Variants in PCDHA1 observed in about 807,000 individuals in gnomAD.
PCDHA1 encodes the protein protocadherin alpha 1.
In PCDHA1, 42 loss-of-function variants were observed where a neutral mutation model predicts 61.3. That is an observed-to-expected ratio of 0.69 (90% CI 0.54 to 0.89). PCDHA1 has a LOEUF of 0.89. Among genes scored for constraint, PCDHA1 ranks in the 40% least tolerant of loss-of-function variants. PCDHA1 has a pLI of 0.00. For missense variants in PCDHA1, 1,256 were observed against 1,235.3 expected, an observed-to-expected ratio of 1.02 and a Z score of -0.25; for synonymous variants, 610 against 553.8, an observed-to-expected ratio of 1.10 and a Z score of -1.43.
Position 140,956,847 on chromosome 5 carries a change from T to G in PCDHA1, c.2395-22102T>G, listed in dbSNP as rs138847680. Among the ~76,000 whole-genome samples the G allele has an allele frequency of 1.6e-4, 24 of 152,262 alleles. 1 individual carries two copies. The East Asian group carries it at 4.6e-3, about 29-fold the overall frequency. ...AATTTAATATTTTTAAATCTTGGGT[T>G]AAATGGTTGAATGAATGTGTGAAAA... On this transcript the variant is annotated intron_variant, in intron 1 of 3. Transcript: ENST00000504120.
At chr5:140,828,531 T>G in intron 1 of PCDHA1, 3 of 1,614,256 alleles carry the variant, frequency 1.9e-6, no homozygotes, top group Non-Finnish European at 2.5e-6. Flanking sequence ...GAATCTAGGC[T>G]GCCAGATTCT....
At chr5:140,923,785 C>T (rs2081509867) in intron 1 of PCDHA1, among the ~76,000 whole-genome samples, 1 of 152,156 alleles carries the variant, frequency 6.6e-6, no homozygotes, top group African/African-American at 2.4e-5. Flanking sequence ...ATGGTTTCTT[C>T]ATTCTTTTCA....
chr5:140,877,467 G>T (rs1554169776), intron 1 of PCDHA1: 2 of 1,613,868 alleles, frequency 1.2e-6, no homozygotes, highest in Non-Finnish European at 1.7e-6. Flanking sequence ...CGGCCACGGT[G>T]CTGGTGTCGC....
intron 3 of PCDHA1, among the ~76,000 whole-genome samples, chr5:141,008,415 C>T (rs782593921): frequency 2.0e-5 from 3 of 152,138 alleles, no homozygotes; most frequent in Non-Finnish European, 4.4e-5. Flanking sequence ...ATGTCATGGC[C>T]ACTGGGATCA....
Position 140,883,762 on chromosome 5 carries a change from G to A in PCDHA1, c.2394+95078G>A, listed in dbSNP as rs782515575. 5 of 1,612,794 alleles carry A rather than the reference G, an allele frequency of 3.1e-6. No homozygotes were observed. The South Asian group carries it at 5.5e-5, about 18-fold the overall frequency. On this transcript the variant is annotated intron_variant, in intron 1 of 3. Coordinates refer to ENST00000504120, the MANE Select transcript of PCDHA1 (RefSeq NM_018900.4). ...TCTCCTACTCGCTGGTGGAGCGGCG[G>A]GTGGGCGAGCGTGCGCTGTCGAGCT... is the stretch of plus-strand genomic sequence containing the variant.
intron 1 of PCDHA1, among the ~76,000 whole-genome samples, chr5:140,873,067 TATC>T (rs2054071448): frequency 1.3e-5 from 2 of 152,218 alleles, no homozygotes; most frequent in Admixed American, 1.3e-4. Flanking sequence ...TTGAGAATCA[TATC>T]TAGCTATTTC....
chr5:140,967,736 G>A (rs1554229871), intron 1 of PCDHA1: 4 of 1,614,162 alleles, frequency 2.5e-6, no homozygotes, highest in Non-Finnish European at 3.4e-6. Context: ...TGGGGGGCTG[G>A]ATTATGAGGA....
intron 1 of PCDHA1, chr5:140,796,481 G>A (rs782023000): frequency 5.0e-6 from 8 of 1,612,292 alleles, no homozygotes; most frequent in Non-Finnish European, 8.5e-7. Context: ...GCGTTGTCGA[G>A]CTACGTTTCG....
At chr5:140,985,532 G>T (rs1358120172) in intron 3 of PCDHA1, among the ~76,000 whole-genome samples, 1 of 152,072 alleles carries the variant, frequency 6.6e-6, no homozygotes, top group Non-Finnish European at 1.5e-5. Context: ...AAAGCTTCAC[G>T]GTGAAGATGC....
chr5:140,822,883 C>G, intron 1 of PCDHA1: 4 of 1,614,246 alleles, frequency 2.5e-6, no homozygotes, highest in Non-Finnish European at 3.4e-6. Context: ...GGTCATTGCT[C>G]TGATCAGCGT....
chr5:140,967,485 C>A lies in PCDHA1; in HGVS notation c.2395-11464C>A, dbSNP rs781948599. 3.7e-6 allele frequency: 6 copies of A among 1,613,056 alleles called. No homozygotes were observed. In the South Asian group the frequency reaches 6.6e-5, roughly 18 times the overall value. On this transcript the variant is annotated intron_variant, in intron 1 of 3. Coordinates refer to ENST00000504120, the MANE Select transcript of PCDHA1 (RefSeq NM_018900.4). ...GGGGGCATCCCAGCCCGCTCGGGTA[C>A]GGCACAGATCTCTGTGCGTGTCCTG...
At chr5:140,790,001 A>G (rs1761563652) in intron 1 of PCDHA1, among the ~76,000 whole-genome samples, 1 of 152,258 alleles carries the variant, frequency 6.6e-6, no homozygotes, top group Non-Finnish European at 1.5e-5. Flanking sequence ...GGTGGGAGTC[A>G]TTATTTCAAA....
In PCDHA1 at chr5:140,843,325, G is replaced by T. The variant is rs2150357511; in HGVS notation, c.2394+54641G>T. ...CCGCCACGGCCACGGTTCTGGTGTC[G>T]CTGGTGGAGAGCGGCCAGGCTCCAA... On this transcript the variant is annotated intron_variant, in intron 1 of 3. Coordinates refer to ENST00000504120, the MANE Select transcript of PCDHA1 (RefSeq NM_018900.4). 5.0e-6 allele frequency: 8 copies of T among 1,596,050 alleles called. 2 individuals are homozygous for T. Among genetic ancestry groups the T allele is most frequent in the Non-Finnish European group, 6.0e-6 (7 of 1,165,566 alleles).
chr5:140,844,721 G>A (rs2150373473), intron 1 of PCDHA1, among the ~76,000 whole-genome samples: 7 of 149,390 alleles, frequency 4.7e-5, no homozygotes, highest in African/African-American at 1.5e-4. Flanking sequence ...CCATTAGTTC[G>A]TGTAAAAATA....
chr5:140,941,685 A>G (rs983394705), intron 1 of PCDHA1, among the ~76,000 whole-genome samples: 2 of 151,952 alleles, frequency 1.3e-5, no homozygotes, highest in Non-Finnish European at 2.9e-5. Flanking sequence ...TATTCTGTTT[A>G]CCTCTTTGGG....
chr5:140,887,236 A>G (rs575217506), intron 1 of PCDHA1, among the ~76,000 whole-genome samples: 53 of 151,920 alleles, frequency 3.5e-4, no homozygotes, highest in South Asian at 2.1e-3. Flanking sequence ...AGCTGAGACT[A>G]CCGGCGCCCG....
intron 1 of PCDHA1, among the ~76,000 whole-genome samples, chr5:140,889,996 A>G (rs1162958741): frequency 5.3e-5 from 8 of 152,152 alleles, no homozygotes; most frequent in African/African-American, 1.9e-4. Flanking sequence ...TAGCTTTCCA[A>G]GCTTAGGTGC....
chr5:140,854,556 T>C (rs1400864251), intron 1 of PCDHA1: 1 of 150,002 alleles, frequency 6.7e-6, no homozygotes, highest in African/African-American at 2.4e-5. Flanking sequence ...TTCATAAATA[T>C]TGTTGCTCTG....
chr5:140,788,884 A>G (rs1206642873), intron 1 of PCDHA1, 200 bp downstream of exon 1: 4 of 1,297,838 alleles, frequency 3.1e-6, no homozygotes, highest in Non-Finnish European at 4.0e-6. Context: ...GTAGGGACAA[A>G]TTGTCGTATT....
Sources: gnomAD v4.1 joint callset for allele counts (sites outside exome capture counted in the v4.1 genomes callset) on GRCh38, gnomAD v4.1.1 for gene constraint, MANE v1.5 for transcripts, NCBI Gene and HGNC (gene_info 2026-07-23, HGNC 2026-07-21) for gene names.